The following FAT1 variants were observed in gnomAD, a reference collection of about 807,000 sequenced individuals.
FAT1 encodes the protein protocadherin Fat 1.
Under a neutral mutation model 329.8 loss-of-function variants are expected in FAT1, and 171 were observed. The ratio of observed to expected loss-of-function variants is 0.52; its 90% CI spans 0.46 to 0.59. FAT1 has a LOEUF of 0.59. Among genes scored for constraint, FAT1 ranks in the 20% least tolerant of loss-of-function variants. The pLI is 0.00. For missense variants in FAT1, 5,672 were observed against 5,774.4 expected, an observed-to-expected ratio of 0.98 and a Z score of 0.57; for synonymous variants, 2,233 against 2,228.6, an observed-to-expected ratio of 1.00 and a Z score of -0.06.
chr4:186,647,021 CATA>C (rs1464797663), intron 3 of FAT1, among the ~76,000 whole-genome samples: 1 of 152,138 alleles, frequency 6.6e-6, no homozygotes, highest in Admixed American at 6.5e-5. Flanking sequence ...GTAGTAATGT[CATA>C]ATGTTTACGA....
chr4:186,646,094 T>C (rs1741372636), intron 3 of FAT1, among the ~76,000 whole-genome samples: 2 of 151,980 alleles, frequency 1.3e-5, no homozygotes, highest in African/African-American at 4.8e-5. Context: ...ACTTGCAATC[T>C]GTAGTACGAG....
Position 186,613,240 on chromosome 4 carries a change from A to G in FAT1, c.9332T>C (p.Ile3111Thr). ...GTTCACATCTTCTAGCGTGAGCACAATACTGGCTTGGCAGAATCTTCCTCC... is the reference window on the plus strand; with the variant it reads ...GTTCACATCTTCTAGCGTGAGCACAGTACTGGCTTGGCAGAATCTTCCTCC... Reference protein sequence around the residue: ...DGGGRFCQASIVLTLEDVNDN... With the variant: ...DGGGRFCQASTVLTLEDVNDN... The change falls in exon 13 of 27, where the codon ATT becomes ACT. Residue 3111 changes from isoleucine to threonine, a missense_variant. This residue lies in a region of FAT1 where 3,966 missense variants were observed against 3,915.2 expected (regional missense o/e 1.01). Coordinates refer to ENST00000441802, the MANE Select transcript of FAT1 (RefSeq NM_005245.4). The G allele has an allele frequency of 6.2e-7, 1 of 1,613,946 alleles. No homozygotes were observed. Among genetic ancestry groups the G allele is most frequent in the Non-Finnish European group, 8.5e-7 (1 of 1,179,826 alleles).
At chr4:186,614,158 T>C (rs752517363) in intron 12 of FAT1, 33 bp downstream of exon 12, 2 of 1,562,702 alleles carry the variant, frequency 1.3e-6, no homozygotes, top group South Asian at 1.2e-5. Flanking sequence ...TGTTGGAATA[T>C]ACAATTTATT....
intron 2 of FAT1, among the ~76,000 whole-genome samples, chr4:186,678,543 A>C (rs1301728848): frequency 6.7e-6 from 1 of 148,954 alleles, no homozygotes; most frequent in African/African-American, 2.4e-5. Flanking sequence ...ATACATGTAT[A>C]GCTATGTAAA....
chr4:186,686,150 C>T (rs73015631), intron 2 of FAT1, among the ~76,000 whole-genome samples: 8,837 of 152,046 alleles, frequency 0.058, 276 homozygotes, highest in South Asian at 0.097. Flanking sequence ...ATTAAAGATG[C>T]ATTCATTTGG....
At chr4:186,700,669 G>A (rs540275983) in intron 2 of FAT1, among the ~76,000 whole-genome samples, 1 of 152,222 alleles carries the variant, frequency 6.6e-6, no homozygotes, top group Non-Finnish European at 1.5e-5. Context: ...CAAAGAGTAA[G>A]AGGAGTAAAA....
At chr4:186,666,122 A>G (rs575492659) in intron 2 of FAT1, among the ~76,000 whole-genome samples, 25 of 151,920 alleles carry the variant, frequency 1.6e-4, no homozygotes, top group Admixed American at 1.5e-3. Context: ...CCAACATGGC[A>G]CATGTATACA....
At position 186,598,121 on chromosome 4, in the gene FAT1, A is replaced by G; in HGVS notation, c.12108T>C (p.Tyr4036=). 1 of 1,602,072 alleles carries G rather than the reference A, an allele frequency of 6.2e-7. No homozygotes were observed. The highest frequency in any genetic ancestry group is 8.5e-7 in the Non-Finnish European group (1 of 1,176,674). ...GVCNPSPAGG[Y]YCKCSALYIG... is the part of the protein sequence containing the mutation. ...TGTACAAGGCACTGCATTTGCAGTA[A>G]TAACCTAAATCGGCAAAAAGGAACA... The change falls in exon 23 of 27, where the codon TAT becomes TAC. Residue 4036 remains tyrosine, a synonymous_variant. Coordinates refer to ENST00000441802, the MANE Select transcript of FAT1 (RefSeq NM_005245.4).
At position 186,612,481 on chromosome 4, in the gene FAT1, C is replaced by T. The variant is rs116299401; in HGVS notation, c.9463+628G>A. ...TCTATTAACTTTATGAGTGCAGAACCGATGCTTTAAAAAAAAATGCTCATT... is the reference window on the plus strand; with the variant it reads ...TCTATTAACTTTATGAGTGCAGAACTGATGCTTTAAAAAAAAATGCTCATT... On this transcript the variant is annotated intron_variant, in intron 13 of 26. Transcript: ENST00000441802. Among the ~76,000 whole-genome samples, 721 of 151,940 alleles carry T rather than the reference C, an allele frequency of 4.7e-3. 10 individuals carry two copies. The highest frequency in any genetic ancestry group is 0.016 in the African/African-American group (678 of 41,448).
At chr4:186,614,051 A>C (rs1739587545) in intron 12 of FAT1, 140 bp downstream of exon 12, 16 of 652,290 alleles carry the variant, frequency 2.5e-5, no homozygotes, top group Non-Finnish European at 4.0e-5. Flanking sequence ...AAGATTTCTA[A>C]GAGATGTCAA....
Position 186,682,526 on chromosome 4 carries a change from C to CAAAAAAAAAAAAAAAAAAAA in FAT1, c.3266-18914_3266-18913insTTTTTTTTTTTTTTTTTTTT, listed in dbSNP as rs10561120. 2.0e-3 allele frequency among the ~76,000 whole-genome samples: 240 copies of CAAAAAAAAAAAAAAAAAAAA among 119,634 alleles called. 12 individuals carry two copies. Among genetic ancestry groups the CAAAAAAAAAAAAAAAAAAAA allele is most frequent in the African/African-American group, 6.7e-3 (170 of 25,326 alleles). 78.5% of individuals were successfully genotyped at this position (119,634 alleles called of 152,430 possible). On this transcript the variant is annotated intron_variant, in intron 2 of 26. Transcript: ENST00000441802. ...TGAGTGAAAGAGCGAGACTCTGTCT[C>CAAAAAAAAAAAAAAAAAAAA]AAAAAAAAAAAAAAAAAAGAAAGTT...
chr4:186,610,606 T>A (rs896193085), intron 14 of FAT1, among the ~76,000 whole-genome samples: 4 of 133,352 alleles, frequency 3.0e-5, no homozygotes, highest in African/African-American at 1.1e-4. Flanking sequence ...AATATAAATT[T>A]ATATAAATTA....
At position 186,708,433 on chromosome 4, in the gene FAT1, C is replaced by T. The variant is rs2126696487; in HGVS notation, c.1395G>A (p.Gln465=). Residue 465 remains glutamine (Q), a synonymous_variant, in exon 2 of 27, where the codon CAG becomes CAA. Transcript: ENST00000441802. ...CATCAAAAGCAGCTTTGTACGCTGT[C>T]TGGGTAAATTCAGGGGGATTGCTAT... ...GANSNPPEFT[Q]TAYKAAFDEN... 1 of 1,614,020 alleles carries T rather than the reference C, an allele frequency of 6.2e-7. No individual in the cohort carries two copies. The highest frequency in any genetic ancestry group is 8.5e-7 in the Non-Finnish European group (1 of 1,179,896).
chr4:186,680,922 G>A (rs1481091818), intron 2 of FAT1, among the ~76,000 whole-genome samples: 1 of 152,174 alleles, frequency 6.6e-6, no homozygotes, highest in Non-Finnish European at 1.5e-5. Flanking sequence ...ATTAGGAAAA[G>A]CAAAAGTCAA....
At chr4:186,639,681 A>G (rs2126570853) in intron 4 of FAT1, 41 bp downstream of exon 4, 2 of 1,311,466 alleles carry the variant, frequency 1.5e-6, no homozygotes, top group Non-Finnish European at 2.2e-6. Flanking sequence ...GATACTTGTA[A>G]CTACGAATCT....
rs1738096463 is a variant in FAT1, at chr4:186,588,926, G to A, written c.13433C>T (p.Ser4478Leu). 1 of 1,613,980 alleles carries A rather than the reference G, an allele frequency of 6.2e-7. No homozygotes were observed. Among genetic ancestry groups the A allele is most frequent in the Non-Finnish European group, 8.5e-7 (1 of 1,179,880 alleles). ...CAAGTTGAACCTCTGCCGGTTTCTT[G>A]ATGAAGAACCCAAGCTACCCGCGGC... is the stretch of plus-strand genomic sequence containing the variant. ...MPAAGSLGSS[S>L]RNRQRFNLNQ... is the part of the protein sequence containing the mutation. Residue 4478 changes from serine to leucine, a missense_variant, in exon 27 of 27, where the codon TCA becomes TTA. Ser to Leu is a moderately radical substitution (Grantham distance 145, BLOSUM62 -2). Around this residue, in one of 2 missense-constraint regions of FAT1, gnomAD observed 1,706 missense variants for 1,859.1 expected, o/e 0.92. Transcript: ENST00000441802.
intron 2 of FAT1, among the ~76,000 whole-genome samples, chr4:186,689,285 A>C (rs2126656698): frequency 6.6e-6 from 1 of 152,364 alleles, no homozygotes; most frequent in South Asian, 2.1e-4. Flanking sequence ...TACAAATCCA[A>C]ATTATGCCCC....
intron 3 of FAT1, among the ~76,000 whole-genome samples, chr4:186,651,884 G>T (rs1190095767): frequency 6.6e-6 from 1 of 152,238 alleles, no homozygotes; most frequent in Admixed American, 6.5e-5. Context: ...TCTTTCGGCA[G>T]CTGTGGCCGT....
At chr4:186,672,781 C>G (rs1742792272) in intron 2 of FAT1, among the ~76,000 whole-genome samples, 1 of 152,162 alleles carries the variant, frequency 6.6e-6, no homozygotes, top group Admixed American at 6.5e-5. Context: ...GACAATCGTG[C>G]TAAATGTTTG....
Sources: allele counts gnomAD v4.1 joint callset (sites outside exome capture counted in the v4.1 genomes callset), GRCh38; gene constraint gnomAD v4.1.1; regional missense constraint gnomAD v4.1.1; transcripts MANE v1.5; gene names NCBI Gene and HGNC (gene_info 2026-07-23, HGNC 2026-07-21).